Variants in PCDH15 observed in about 807,000 individuals in gnomAD.
PCDH15 encodes the protein protocadherin related 15.
In PCDH15, 129 loss-of-function variants were observed where a neutral mutation model predicts 178.5. The observed-to-expected ratio is 0.72, with a 90% confidence interval of 0.63 to 0.84. The LOEUF (loss-of-function observed/expected upper bound fraction) is 0.84. PCDH15 is among the 40% of genes least tolerant of loss of function. The probability of loss-of-function intolerance (pLI) is 0.00; values close to 1 mark genes in which losing one functional copy is unlikely to be tolerated. For synonymous variants in PCDH15, 800 were observed against 732.0 expected (o/e 1.09, Z -1.50); for missense variants, 2,230 against 2,099.9 (o/e 1.06, Z -1.21).
chr10:55,440,786 G>A (rs1317885089), intron 2 of PCDH15, among the ~76,000 whole-genome samples: 1 of 152,106 alleles, frequency 6.6e-6, no homozygotes, highest in Non-Finnish European at 1.5e-5. Flanking sequence ...AAGAAAAAGT[G>A]GTTTAATGGA....
At chr10:55,118,396 T>C (rs2132063395) in intron 2 of PCDH15, among the ~76,000 whole-genome samples, 1 of 152,298 alleles carries the variant, frequency 6.6e-6, no homozygotes, top group East Asian at 1.9e-4. Flanking sequence ...CGTACCATTT[T>C]TGGTGCATTG....
intron 2 of PCDH15, among the ~76,000 whole-genome samples, chr10:55,502,525 T>C (rs771430467): frequency 6.6e-6 from 1 of 151,754 alleles, no homozygotes; most frequent in African/African-American, 2.4e-5. Flanking sequence ...ATATGTCTTA[T>C]TGCGCAGTGA....
chr10:55,616,075 T>C (rs1015857868), intron 2 of PCDH15, among the ~76,000 whole-genome samples: 16 of 152,158 alleles, frequency 1.1e-4, no homozygotes, highest in African/African-American at 3.6e-4. Flanking sequence ...GGGACAACAG[T>C]TTCTTTCCTG....
chr10:55,588,820 A>G (rs756736121), intron 2 of PCDH15, among the ~76,000 whole-genome samples: 3 of 152,124 alleles, frequency 2.0e-5, no homozygotes, highest in Non-Finnish European at 4.4e-5. Flanking sequence ...GGAACCTCAC[A>G]CCTGTAATCC....
chr10:54,124,678 G>A (rs1351527236), intron 15 of PCDH15, among the ~76,000 whole-genome samples: 56 of 152,146 alleles, frequency 3.7e-4, no homozygotes, highest in Non-Finnish European at 8.8e-5. Context: ...ACGATGCAGT[G>A]CCTATGATTC....
At chr10:54,055,799 G>A (rs1052426073) in intron 18 of PCDH15, among the ~76,000 whole-genome samples, 2 of 151,910 alleles carry the variant, frequency 1.3e-5, no homozygotes, top group African/African-American at 4.9e-5. Flanking sequence ...GTACAAAGAA[G>A]TTTTTCTCAT....
chr10:55,082,321 G>A (rs1008740687), intron 2 of PCDH15, among the ~76,000 whole-genome samples: 2 of 151,802 alleles, frequency 1.3e-5, no homozygotes, highest in Admixed American at 1.3e-4. Context: ...AAGGATCAGT[G>A]AGTCCATGAA....
At chr10:55,151,544 AACAG>A (rs1394153155) in intron 2 of PCDH15, among the ~76,000 whole-genome samples, 2 of 152,034 alleles carry the variant, frequency 1.3e-5, no homozygotes, top group Non-Finnish European at 2.9e-5. Flanking sequence ...GTAGCAATTT[AACAG>A]ACAGGCAAAA....
intron 18 of PCDH15, among the ~76,000 whole-genome samples, chr10:54,051,219 T>G (rs2093766495): frequency 6.6e-6 from 1 of 152,148 alleles, no homozygotes; most frequent in African/African-American, 2.4e-5. Flanking sequence ...CCTGAAAATG[T>G]GGAGGCAAAT....
chr10:54,935,655 C>T (rs1306197922), intron 2 of PCDH15, among the ~76,000 whole-genome samples: 19 of 152,240 alleles, frequency 1.2e-4, no homozygotes, highest in African/African-American at 4.3e-4. Flanking sequence ...ATTGTACTCA[C>T]ATACTCAGTT....
rs1491388308 is a variant in PCDH15, at chr10:54,234,130, T to TTGTG, written c.985+2692_985+2693insCACA. On this transcript the variant is annotated intron_variant, in intron 9 of 37. Coordinates refer to ENST00000644397, the MANE Select transcript of PCDH15 (RefSeq NM_001384140.1). ...TGAAGTCAGAGTCATGGATATCCCCTTCTGTGTGTGTGTGTGTGTGTGTGT... is the reference window on the plus strand; with the variant it reads ...TGAAGTCAGAGTCATGGATATCCCCTTGTGTCTGTGTGTGTGTGTGTGTGTGTGT... Among the ~76,000 whole-genome samples the TTGTG allele has an allele frequency of 1.9e-3, 196 of 103,194 alleles. 2 individuals are homozygous for TTGTG. Among genetic ancestry groups the TTGTG allele is most frequent in the African/African-American group, 7.0e-3 (176 of 24,992 alleles). 67.7% of individuals were successfully genotyped at this position (103,194 alleles called of 152,430 possible). A position where few individuals can be genotyped will look rare whatever the true frequency, so the allele number is the denominator to read the frequency against.
chr10:54,354,681 T>C (rs923273173), intron 5 of PCDH15, among the ~76,000 whole-genome samples: 2 of 152,156 alleles, frequency 1.3e-5, no homozygotes, highest in African/African-American at 2.4e-5. Context: ...CCATAATTTA[T>C]TTCATATTAA....
chr10:55,442,596 A>G (rs1839222448), intron 2 of PCDH15, among the ~76,000 whole-genome samples: 1 of 150,278 alleles, frequency 6.7e-6, no homozygotes, highest in Admixed American at 6.7e-5. Flanking sequence ...GGGTGGGGAT[A>G]GCCTTTGTAG....
chr10:54,530,015 T>C (rs2083750045), intron 2 of PCDH15, among the ~76,000 whole-genome samples: 3 of 151,996 alleles, frequency 2.0e-5, no homozygotes, highest in African/African-American at 7.2e-5. Context: ...GGAATAAATA[T>C]TTAATCAACA....
At chr10:54,452,035 T>C (rs990185565) in intron 3 of PCDH15, among the ~76,000 whole-genome samples, 8 of 151,994 alleles carry the variant, frequency 5.3e-5, no homozygotes, top group African/African-American at 1.9e-4. Context: ...ATTTCCATTA[T>C]AATATATATT....
intron 2 of PCDH15, among the ~76,000 whole-genome samples, chr10:55,153,252 T>G (rs1272030549): frequency 1.3e-5 from 2 of 152,156 alleles, no homozygotes; most frequent in African/African-American, 4.8e-5. Flanking sequence ...AAGCCATTCT[T>G]GAGCTGCCCA....
rs1349317017 is a variant in PCDH15, at chr10:54,924,197, C to T, written c.-79-26697G>A. Among the ~76,000 whole-genome samples, 2 of 137,006 alleles carry T rather than the reference C, an allele frequency of 1.5e-5. 1 individual carries two copies. Among genetic ancestry groups the T allele is most frequent in the Non-Finnish European group, 3.4e-5 (2 of 58,934 alleles). The allele number at this position is 137,006 out of a possible 152,430, so 89.9% of individuals were successfully genotyped here. ...TACACACTTTCAAACAACCAGACCT[C>T]ATGAGAACTTACAATCACAAGAACA... On this transcript the variant is annotated intron_variant, in intron 2 of 5. Transcript: ENST00000458638.
At chr10:55,440,296 A>G (rs1467330574) in intron 2 of PCDH15, among the ~76,000 whole-genome samples, 1 of 152,210 alleles carries the variant, frequency 6.6e-6, no homozygotes, top group Non-Finnish European at 1.5e-5. Flanking sequence ...TAAAAGGAGA[A>G]CAGAAATGCA....
rs762328580 is a variant in PCDH15 at position 53,810,562 on chromosome 10, C to T, written c.4665G>A (p.Glu1555=). The change falls in exon 37 of 38, where the codon GAG becomes GAA. Residue 1555 remains glutamate (E), a synonymous_variant. Coordinates refer to ENST00000644397, the MANE Select transcript of PCDH15 (RefSeq NM_001384140.1). ...VVGEAEEEYE[E]EEWARKRMIK... ...ATAAAATTACAGTAATTACCTCTTC[C>T]TCCTCATATTCTTCCTCAGCTTCAC... 2.2e-5 allele frequency: 36 copies of T among 1,612,198 alleles called. No homozygotes were observed. The highest frequency in any genetic ancestry group is 3.0e-5 in the Non-Finnish European group (35 of 1,178,904).
Sources: gnomAD v4.1 joint callset for allele counts (sites outside exome capture counted in the v4.1 genomes callset) on GRCh38, gnomAD v4.1.1 for gene constraint, MANE v1.5 for transcripts, NCBI Gene and HGNC (gene_info 2026-07-23, HGNC 2026-07-21) for gene names.